PLXNA4: variants seen among roughly 807,000 people sequenced by gnomAD.
PLXNA4 encodes plexin A4, also known as plexin-A4.
Under a neutral mutation model 191.8 loss-of-function variants are expected in PLXNA4, and 44 were observed. The ratio of observed to expected loss-of-function variants is 0.23; its 90% CI spans 0.18 to 0.29. The LOEUF (loss-of-function observed/expected upper bound fraction) is 0.29. PLXNA4 is among the 10% of genes least tolerant of loss of function. PLXNA4 has a pLI of 1.00. For missense variants in PLXNA4, 1,800 were observed against 2,488.8 expected, an observed-to-expected ratio of 0.72 and a Z score of 5.89; for synonymous variants, 1,082 against 1,009.5, an observed-to-expected ratio of 1.07 and a Z score of -1.36.
chr7:132,415,448 G>T (rs572803579), intron 3 of PLXNA4, among the ~76,000 whole-genome samples: 1 of 152,200 alleles, frequency 6.6e-6, no homozygotes, highest in Admixed American at 6.5e-5. Flanking sequence ...CTGCTCTGGT[G>T]CAGGGAACAG....
chr7:132,265,720 G>A (rs929320815), intron 4 of PLXNA4, among the ~76,000 whole-genome samples: 2 of 152,172 alleles, frequency 1.3e-5, no homozygotes, highest in African/African-American at 4.8e-5. Flanking sequence ...GGTAGTCCCT[G>A]AAGAACAGGA....
chr7:132,573,028 C>T (rs1400827293), intron 1 of PLXNA4, among the ~76,000 whole-genome samples: 9 of 147,598 alleles, frequency 6.1e-5, no homozygotes, highest in Non-Finnish European at 8.9e-5. Flanking sequence ...AATTTGAGGG[C>T]GAATGGGCTG....
At chr7:132,642,560 A>G (rs950251566) in intron 2 of PLXNA4, among the ~76,000 whole-genome samples, 1 of 152,040 alleles carries the variant, frequency 6.6e-6, no homozygotes, top group African/African-American at 2.4e-5. Context: ...GAGGAGGCAG[A>G]CAGACTTGAA....
rs186378769 is a variant in PLXNA4, at chr7:132,223,628, C to T, written c.1996G>A (p.Val666Met). The change falls in exon 9 of 32, where the codon GTG becomes ATG. Residue 666 changes from valine to methionine, a missense_variant. Transcript: ENST00000321063. Reference sequence around the variant, plus strand: ...CAGTGGCAGCGGTATGGACTCTCCACGCAGGACAGGCACCTGGGCACAGGG... The same window carrying T: ...CAGTGGCAGCGGTATGGACTCTCCATGCAGGACAGGCACCTGGGCACAGGG... ...CSVHNSCLSC[V>M]ESPYRCHWCK... is the part of the protein sequence containing the mutation. 123 of 1,613,236 alleles carry T rather than the reference C, an allele frequency of 7.6e-5. No homozygotes were observed. Among genetic ancestry groups the T allele is most frequent in the Admixed American group, 1.2e-4 (7 of 59,970 alleles).
At chr7:132,590,425 C>G (rs1802586194) in intron 2 of PLXNA4, among the ~76,000 whole-genome samples, 1 of 152,140 alleles carries the variant, frequency 6.6e-6, no homozygotes, top group African/African-American at 2.4e-5. Flanking sequence ...TGAAGTGCCA[C>G]AATAGGCCAT....
intron 2 of PLXNA4, among the ~76,000 whole-genome samples, chr7:132,595,261 A>T (rs909393020): frequency 2.6e-5 from 4 of 152,112 alleles, no homozygotes; most frequent in Non-Finnish European, 5.9e-5. Context: ...GATGTATATG[A>T]TGCCCTTGTT....
rs755078978 is a variant in PLXNA4, at chr7:132,202,633, G to A, written c.2586+13C>T. 19 of 1,456,990 alleles carry A rather than the reference G, an allele frequency of 1.3e-5. No homozygotes were observed. The highest frequency in any genetic ancestry group is 2.6e-5 in the East Asian group (1 of 39,148). The allele number at this position is 1,456,990 out of a possible 1,614,324, so 90.3% of individuals were successfully genotyped here. On this transcript the variant is annotated intron_variant, in intron 12 of 31. Transcript: ENST00000321063. ...CCTGCCCATTTGGAGCAGGAGGCCCGACCCCGGCTTACCTCTGTGATGCGG... is the reference window on the plus strand; with the variant it reads ...CCTGCCCATTTGGAGCAGGAGGCCCAACCCCGGCTTACCTCTGTGATGCGG...
intron 1 of PLXNA4, among the ~76,000 whole-genome samples, chr7:132,548,569 C>T (rs1413130376): frequency 6.6e-6 from 1 of 152,160 alleles, no homozygotes; most frequent in East Asian, 1.9e-4. Flanking sequence ...TCACCCAAGA[C>T]CAAGACCAAG....
At position 132,298,756 on chromosome 7, in the gene PLXNA4, TA is replaced by T. The variant is rs936399314; in HGVS notation, c.1372-535del. On this transcript the variant is annotated intron_variant, in intron 3 of 31. Coordinates refer to ENST00000321063, the MANE Select transcript of PLXNA4 (RefSeq NM_020911.2). ...AGGGTCTCTTTTTTTGCCATTGAAA[TA>T]GTGGCTTATACTTATACCATTAGGT... Among the ~76,000 whole-genome samples, 53 of 152,228 alleles carry T rather than the reference TA, an allele frequency of 3.5e-4. 2 individuals are homozygous for T. The highest frequency in any genetic ancestry group is 1.3e-3 in the African/African-American group (53 of 41,466).
chr7:132,556,388 G>A (rs370824436), intron 1 of PLXNA4, among the ~76,000 whole-genome samples: 1 of 152,204 alleles, frequency 6.6e-6, no homozygotes, highest in African/African-American at 2.4e-5. Flanking sequence ...TTCAAAAACA[G>A]GCTGTATGGC....
intron 4 of PLXNA4, among the ~76,000 whole-genome samples, chr7:132,282,919 T>A (rs746305490): frequency 6.6e-6 from 1 of 152,132 alleles, no homozygotes; most frequent in Non-Finnish European, 1.5e-5. Context: ...CTCTGTTACC[T>A]AGGCTGGAGT....
rs371329097 is a variant in PLXNA4, at chr7:132,181,580, G to A, written c.3293C>T (p.Ala1098Val). The A allele has an allele frequency of 1.4e-5, 22 of 1,614,144 alleles. No homozygotes were observed. Among genetic ancestry groups the A allele is most frequent in the East Asian group, 2.2e-5 (1 of 44,862 alleles). ...GTCAGGACCCAGAGCGAGGGCGGGC[G>A]CCTGACAGGTCATCTCAGTAGCGTT... ...VLNATEMTCQ[A>V]PALALGPDHQ... Residue 1098 changes from alanine to valine, a missense_variant, in exon 18 of 32, where the codon GCG becomes GTG. Ala to Val is a moderately conservative substitution (Grantham distance 64). Around this residue, in one of 6 missense-constraint regions of PLXNA4, gnomAD observed 1,397 missense variants for 1,880.4 expected, o/e 0.74. Transcript: ENST00000321063.
intron 5 of PLXNA4, among the ~76,000 whole-genome samples, chr7:132,235,379 A>C (rs1481920131): frequency 6.6e-6 from 1 of 152,194 alleles, no homozygotes. Flanking sequence ...AGTTGTAACT[A>C]AGTTGTAACT....
intron 1 of PLXNA4, among the ~76,000 whole-genome samples, chr7:132,548,192 C>G (rs572461437): frequency 2.1e-4 from 32 of 152,190 alleles, no homozygotes; most frequent in South Asian, 6.2e-4. Context: ...TTTGGAGAGT[C>G]CTGCTTGTTG....
chr7:132,571,366 A>T (rs1801971577), intron 1 of PLXNA4, among the ~76,000 whole-genome samples: 1 of 152,224 alleles, frequency 6.6e-6, no homozygotes, highest in Non-Finnish European at 1.5e-5. Flanking sequence ...CAGGATGGCT[A>T]TCCCCTGACA....
intron 5 of PLXNA4, among the ~76,000 whole-genome samples, chr7:132,233,542 T>C (rs929421418): frequency 1.8e-4 from 28 of 152,232 alleles, no homozygotes; most frequent in African/African-American, 5.8e-4. Context: ...CCCTCTGCCA[T>C]CAGTTGCTGG....
At chr7:132,232,485 A>T (rs916381870) in intron 5 of PLXNA4, among the ~76,000 whole-genome samples, 2 of 152,140 alleles carry the variant, frequency 1.3e-5, no homozygotes, top group Non-Finnish European at 2.9e-5. Context: ...CTAGAGCTGG[A>T]GTCCCTCCCT....
intron 3 of PLXNA4, among the ~76,000 whole-genome samples, chr7:132,484,027 T>C (rs998581307): frequency 2.0e-5 from 3 of 151,808 alleles, no homozygotes; most frequent in African/African-American, 7.3e-5. Flanking sequence ...TAGTGAGAAA[T>C]GGAAAAAGAT....
chr7:132,347,527 A>G (rs974362022), intron 3 of PLXNA4, among the ~76,000 whole-genome samples: 2 of 152,214 alleles, frequency 1.3e-5, no homozygotes, highest in Admixed American at 6.5e-5. Context: ...CGCCAGCTCA[A>G]TGAAGAGGTA....
Sources: allele counts gnomAD v4.1 joint callset (sites outside exome capture counted in the v4.1 genomes callset), GRCh38; gene constraint gnomAD v4.1.1; regional missense constraint gnomAD v4.1.1; transcripts MANE v1.5; gene names NCBI Gene and HGNC (gene_info 2026-07-23, HGNC 2026-07-21).